Variants in ZNF514 observed in about 807,000 individuals in gnomAD.
ZNF514 encodes zinc finger protein 514.
ZNF514 carries 12 observed loss-of-function variants against 9.7 expected under a neutral mutation model. The observed-to-expected ratio is 1.24, with a 90% CI of 0.79 to 2.01. ZNF514 has a LOEUF of 2.01. ZNF514 is among the 30% of genes most tolerant of loss of function. The pLI is 0.00. For synonymous variants in ZNF514, 158 were observed against 163.7 expected, an observed-to-expected ratio of 0.97 and a Z score of 0.27; for missense variants, 467 against 465.5, an observed-to-expected ratio of 1.00 and a Z score of -0.03.
rs1315988642 is a variant in ZNF514, at chr2:95,149,927, C to T, written c.558G>A (p.Arg186=). 3.1e-6 allele frequency: 5 copies of T among 1,614,022 alleles called. No individual in the cohort carries two copies. The highest frequency in any genetic ancestry group is 1.3e-5 in the African/African-American group (1 of 74,916). ...GAGAGTTGTTTCCCCCTAAAGTCTGCCTGAATTCTGTATCACATTTATAAG... is the reference window on the plus strand; with the variant it reads ...GAGAGTTGTTTCCCCCTAAAGTCTGTCTGAATTCTGTATCACATTTATAAG... ...EGSYKCDTEF[R]QTLGGNNSQR... Residue 186 remains arginine (R), a synonymous_variant, in exon 5 of 5, where the codon AGG becomes AGA. Coordinates refer to ENST00000295208, the MANE Select transcript of ZNF514 (RefSeq NM_032788.3).
the ZNF514 span, among the ~76,000 whole-genome samples, chr2:95,134,696 C>T: frequency 2.0e-5 from 3 of 152,222 alleles, no homozygotes; most frequent in African/African-American, 7.2e-5. Flanking sequence ...ACTGCCAAAT[C>T]TGAGGTCATG....
rs1451063103 is a variant in ZNF514, at chr2:95,157,371, A to G, written c.-27T>C. On this transcript the variant is annotated 5_prime_UTR_variant, in exon 2 of 5. Coordinates refer to ENST00000295208, the MANE Select transcript of ZNF514 (RefSeq NM_032788.3). ...CTCACCCGAGGCCTGGCTTTCAGGA[A>G]TGAATTGGTTGTTCCCTCTTCTCCT... 7.8e-6 allele frequency: 10 copies of G among 1,289,610 alleles called. No individual in the cohort carries two copies. In the East Asian group the frequency reaches 5.0e-4, roughly 64 times the overall value. The allele number at this position is 1,289,610 out of a possible 1,614,324, so 79.9% of individuals were successfully genotyped here.
the ZNF514 span, among the ~76,000 whole-genome samples, chr2:95,125,327 G>A: frequency 6.6e-4 from 96 of 145,348 alleles, no homozygotes; most frequent in African/African-American, 2.4e-3. Flanking sequence ...TGCAACCTCC[G>A]CCTCCTGGGT....
At chr2:95,131,861 G>A in the ZNF514 span, among the ~76,000 whole-genome samples, 2 of 152,028 alleles carry the variant, frequency 1.3e-5, no homozygotes, top group Non-Finnish European at 2.9e-5. Context: ...GAATGAAATG[G>A]GCCAGGTGCC....
chr2:95,149,316 T>C lies in ZNF514; in HGVS notation c.1169A>G (p.His390Arg), dbSNP rs1158213214. 4 of 1,593,298 alleles carry C rather than the reference T, an allele frequency of 2.5e-6. No homozygotes were observed. The African/African-American group carries it at 5.4e-5, about 22-fold the overall frequency. Residue 390 changes from histidine (H) to arginine (R), a missense_variant, in exon 5 of 5, where the codon CAT becomes CGT. His to Arg is a conservative substitution (Grantham distance 29). Transcript: ENST00000295208. ...TTTTTTTCCAGCATGACTTCTCTGATGTTTAATAAGGGATGCAGTATGAGC... is the reference window on the plus strand; with the variant it reads ...TTTTTTTCCAGCATGACTTCTCTGACGTTTAATAAGGGATGCAGTATGAGC... ...AFAHTASLIK[H>R]QRSHAGKKTL
In ZNF514 at chr2:95,147,347, T is replaced by A. The variant is rs1321065063; in HGVS notation, c.*1935A>T. ...TGTAAATTTGATTTTGAAAAATGATTTTATTGAGGTATATTTACCATAAAA... is the reference window on the plus strand; with the variant it reads ...TGTAAATTTGATTTTGAAAAATGATATTATTGAGGTATATTTACCATAAAA... On this transcript the variant is annotated 3_prime_UTR_variant, in exon 5 of 5. Coordinates refer to ENST00000295208, the MANE Select transcript of ZNF514 (RefSeq NM_032788.3). The A allele has an allele frequency of 6.6e-6, 1 of 152,228 alleles. No individual in the cohort carries two copies. Among genetic ancestry groups the A allele is most frequent in the Admixed American group, 6.5e-5 (1 of 15,282 alleles). 9.4% of individuals were successfully genotyped at this position (152,228 alleles called of 1,614,324 possible). A position where few individuals can be genotyped will look rare whatever the true frequency, so the allele number is the denominator to read the frequency against.
In ZNF514 at chr2:95,145,008, T is replaced by G. The variant is rs1179055415; in HGVS notation, c.*4274A>C. ...AACTACAGTAAGCAATATTACATTT[T>G]TCTAAAGAAATATTTAATTGGTAGT... On this transcript the variant is annotated 3_prime_UTR_variant, in exon 5 of 5. Coordinates refer to ENST00000295208, the MANE Select transcript of ZNF514 (RefSeq NM_032788.3). Among the ~76,000 whole-genome samples, 1 of 152,234 alleles carries G rather than the reference T, an allele frequency of 6.6e-6. No homozygotes were observed. The highest frequency in any genetic ancestry group is 2.4e-5 in the African/African-American group (1 of 41,454).
downstream of ZNF514, among the ~76,000 whole-genome samples, chr2:95,144,399 C>T (rs1673314802): frequency 6.6e-6 from 1 of 152,126 alleles, no homozygotes; most frequent in African/African-American, 2.4e-5. Context: ...TGATTGAGTT[C>T]AACTGTGAGG....
chr2:95,147,893 C>G lies in ZNF514; in HGVS notation c.*1389G>C, dbSNP rs1202074966. The stretch of plus-strand genomic sequence containing the variant: ...TGACCTCGTGATCTGTCCGCCTCGG[C>G]CTCCCAAAGTGCTGAGGTTACAGGC... On this transcript the variant is annotated 3_prime_UTR_variant, in exon 5 of 5. Transcript: ENST00000295208. 2.0e-5 allele frequency: 3 copies of G among 152,180 alleles called. No homozygotes were observed. Among genetic ancestry groups the G allele is most frequent in the Non-Finnish European group, 4.4e-5 (3 of 68,038 alleles). The allele number at this position is 152,180 out of a possible 1,614,324, so 9.4% of individuals were successfully genotyped here.
At chr2:95,131,651 C>T in the ZNF514 span, among the ~76,000 whole-genome samples, 1 of 152,164 alleles carries the variant, frequency 6.6e-6, no homozygotes, top group South Asian at 2.1e-4. Context: ...TAAAACAATG[C>T]CCAACTTATT....
intron 2 of ZNF514, 56 bp downstream of exon 2, chr2:95,157,295 T>C (rs1309871260): frequency 8.6e-7 from 1 of 1,159,798 alleles, no homozygotes; most frequent in Non-Finnish European, 1.1e-6. Context: ...TGGTGAAAAG[T>C]AGGCAAAGCT....
At chr2:95,124,196 CCT>C in the ZNF514 span, among the ~76,000 whole-genome samples, 22 of 152,176 alleles carry the variant, frequency 1.4e-4, no homozygotes, top group African/African-American at 5.3e-4. Flanking sequence ...AAACCCACCC[CCT>C]CTTTTATCCT....
chr2:95,141,648 A>G (rs1206360690), downstream of ZNF514, among the ~76,000 whole-genome samples: 2 of 152,210 alleles, frequency 1.3e-5, no homozygotes, highest in African/African-American at 4.8e-5. Flanking sequence ...GATTTTGTCT[A>G]CTGGAAGAGT....
the ZNF514 span, among the ~76,000 whole-genome samples, chr2:95,135,142 T>C: frequency 1.4e-4 from 21 of 152,218 alleles, no homozygotes; most frequent in African/African-American, 5.1e-4. Context: ...TAGCTGGGAT[T>C]CTTATAGGGA....
At chr2:95,128,766 GAGAA>G in the ZNF514 span, among the ~76,000 whole-genome samples, 1 of 148,038 alleles carries the variant, frequency 6.8e-6, no homozygotes, top group African/African-American at 2.5e-5. Context: ...GAAGAAGAGG[GAGAA>G]AGAGAAGGAG....
At chr2:95,153,995 T>C (rs1416117747) in intron 2 of ZNF514, 1 of 152,182 alleles carries the variant, frequency 6.6e-6, no homozygotes, top group Non-Finnish European at 1.5e-5. Context: ...AATTTTATAA[T>C]ATAAAATCAT....
intron 2 of ZNF514, among the ~76,000 whole-genome samples, chr2:95,155,977 C>T (rs1350055930): frequency 2.0e-5 from 3 of 152,178 alleles, no homozygotes; most frequent in Non-Finnish European, 2.9e-5. Context: ...AGTCAGCCCA[C>T]TACTGACAAA....
chr2:95,154,015 T>C (rs1409240412), intron 2 of ZNF514: 3 of 152,188 alleles, frequency 2.0e-5, no homozygotes, highest in Admixed American at 6.5e-5. Flanking sequence ...TCCAAAATAA[T>C]CAAACATGAA....
chr2:95,141,598 G>A (rs1288974236), downstream of ZNF514, among the ~76,000 whole-genome samples: 3 of 152,124 alleles, frequency 2.0e-5, no homozygotes, highest in Non-Finnish European at 2.9e-5. Context: ...CCACCTTCCC[G>A]CATCTTCCTA....
Sources: gnomAD v4.1 joint callset for allele counts (sites outside exome capture counted in the v4.1 genomes callset) on GRCh38, gnomAD v4.1.1 for gene constraint, MANE v1.5 for transcripts, NCBI Gene and HGNC (gene_info 2026-07-23, HGNC 2026-07-21) for gene names.